SGCD: variants seen among roughly 807,000 people sequenced by gnomAD.
SGCD encodes sarcoglycan delta, also known as delta-sarcoglycan.
Under a neutral mutation model 36.6 loss-of-function variants are expected in SGCD, and 18 were observed. That is an observed-to-expected ratio of 0.49 (90% confidence interval 0.34 to 0.73). The LOEUF (loss-of-function observed/expected upper bound fraction) is 0.73, where lower values mean the gene tolerates loss of function less well. SGCD is among the 30% of genes least tolerant of loss of function. SGCD has a pLI of 0.01. For synonymous variants in SGCD, 133 were observed against 130.6 expected (o/e 1.02, Z -0.12); for missense variants, 387 against 346.7 (o/e 1.12, Z -0.92).
intron 4 of SGCD, among the ~76,000 whole-genome samples, chr5:156,585,136 A>G (rs1281733254): frequency 3.9e-5 from 6 of 152,168 alleles, no homozygotes; most frequent in East Asian, 1.9e-4. Flanking sequence ...GAATGCTACA[A>G]TGGGAAAAAT....
chr5:156,481,352 G>A (rs1755417281), intron 3 of SGCD, among the ~76,000 whole-genome samples: 1 of 152,176 alleles, frequency 6.6e-6, no homozygotes, highest in African/African-American at 2.4e-5. Context: ...TGGACTTGAT[G>A]TCCCTGACCC....
rs112814862 is a variant in SGCD, at chr5:156,455,842, A to G, written c.193-52759A>G. Reference sequence around the variant, plus strand: ...GCCCTAATCCAATATGACTGGTGTCATTATAAGAAAAATGCCACGTGAAGA... The same window carrying G: ...GCCCTAATCCAATATGACTGGTGTCGTTATAAGAAAAATGCCACGTGAAGA... On this transcript the variant is annotated intron_variant, in intron 3 of 8. Coordinates refer to ENST00000337851, the MANE Select transcript of SGCD (RefSeq NM_000337.6). 5.9e-3 allele frequency among the ~76,000 whole-genome samples: 906 copies of G among 152,326 alleles called. 4 individuals are homozygous for G. Among genetic ancestry groups the G allele is most frequent in the African/African-American group, 0.021 (856 of 41,572 alleles).
intron 3 of SGCD, among the ~76,000 whole-genome samples, chr5:156,258,069 A>G (rs1765761015): frequency 6.6e-6 from 1 of 152,062 alleles, no homozygotes; most frequent in Non-Finnish European, 1.5e-5. Flanking sequence ...AGTCTTACAT[A>G]TTTGTCAGAT....
chr5:156,664,321 T>C (rs2113637990), intron 7 of SGCD, among the ~76,000 whole-genome samples: 1 of 142,598 alleles, frequency 7.0e-6, no homozygotes. Context: ...ACACTCAGGA[T>C]TGGCGTTTTC....
chr5:156,208,104 A>G, intron 3 of SGCD, among the ~76,000 whole-genome samples: 1 of 152,222 alleles, frequency 6.6e-6, no homozygotes, highest in East Asian at 1.9e-4. Context: ...TACAAGTTAT[A>G]GTAACTATTA....
At chr5:156,637,367 A>G (rs1209152087) in intron 6 of SGCD, among the ~76,000 whole-genome samples, 1 of 152,164 alleles carries the variant, frequency 6.6e-6, no homozygotes, top group Non-Finnish European at 1.5e-5. Flanking sequence ...CATAAGGCCA[A>G]TGGTAGACAG....
chr5:156,331,733 GTAAA>G (rs1040315676), intron 2 of SGCD, among the ~76,000 whole-genome samples: 1 of 152,128 alleles, frequency 6.6e-6, no homozygotes, highest in Non-Finnish European at 1.5e-5. Flanking sequence ...TGAGTTCAGA[GTAAA>G]TAAATACCAG....
At chr5:156,083,296 C>CTT (rs112096404) in intron 1 of SGCD, among the ~76,000 whole-genome samples, 9 of 144,198 alleles carry the variant, frequency 6.2e-5, no homozygotes, top group Admixed American at 4.2e-4. Context: ...CATTTTTTTC[C>CTT]TTTTTTTTTT....
chr5:156,739,955 T>G (rs905885217), intron 7 of SGCD: 3 of 152,220 alleles, frequency 2.0e-5, no homozygotes, highest in African/African-American at 4.8e-5. Context: ...TTTATGAATC[T>G]AAATCTGTCA....
chr5:156,524,941 G>A (rs2113065219), intron 4 of SGCD, among the ~76,000 whole-genome samples: 1 of 152,164 alleles, frequency 6.6e-6, no homozygotes, highest in Middle Eastern at 3.4e-3. Flanking sequence ...GTATTCCATT[G>A]TGTATATATA....
intron 3 of SGCD, among the ~76,000 whole-genome samples, chr5:156,472,852 A>G (rs1247988281): frequency 1.3e-5 from 2 of 152,224 alleles, no homozygotes; most frequent in Non-Finnish European, 2.9e-5. Context: ...ATAAAAGAGA[A>G]ATGTTTGTCT....
rs749132981 is a variant in SGCD, at chr5:156,153,248, ATGT to A, written c.-44+29234_-44+29236del. 3.3e-5 allele frequency among the ~76,000 whole-genome samples: 5 copies of A among 150,372 alleles called. 1 individual carries two copies. The highest frequency in any genetic ancestry group is 1.3e-4 in the African/African-American group (5 of 39,908). On this transcript the variant is annotated intron_variant, in intron 3 of 9. Coordinates refer to the SGCD transcript ENST00000517913. ...ACTTTCAAAATCAAGTGAGTAAAAA[ATGT>A]TGTTTTTTTTTTTTTCCTGGGAAAA...
chr5:156,748,932 T>G (rs1174321193), intron 7 of SGCD, among the ~76,000 whole-genome samples: 3 of 152,074 alleles, frequency 2.0e-5, no homozygotes, highest in African/African-American at 7.2e-5. Flanking sequence ...GCTCAGCTAA[T>G]TTTTGTATTT....
chr5:156,625,769 T>C (rs1056629689), intron 6 of SGCD, among the ~76,000 whole-genome samples: 1 of 152,214 alleles, frequency 6.6e-6, no homozygotes, highest in African/African-American at 2.4e-5. Context: ...ATAACAAGAA[T>C]AGGACATGAT....
the SGCD span, among the ~76,000 whole-genome samples, chr5:155,746,470 G>A: frequency 6.6e-6 from 1 of 152,150 alleles, no homozygotes; most frequent in East Asian, 1.9e-4. Context: ...TTTATTTAAA[G>A]AGACAGTATA....
the SGCD span, among the ~76,000 whole-genome samples, chr5:155,810,838 G>T: frequency 1.5e-5 from 1 of 64,798 alleles, no homozygotes; most frequent in African/African-American, 6.6e-5. Flanking sequence ...TTTTTTTTGA[G>T]ACGGAGTCTT....
rs755337195 is a variant in SGCD, at chr5:156,029,033, T to G, written c.-281-88845T>G. Among the ~76,000 whole-genome samples the G allele has an allele frequency of 5.9e-5, 7 of 119,162 alleles. No homozygotes were observed. The South Asian group carries it at 7.6e-4, about 13-fold the overall frequency. The allele number at this position is 119,162 out of a possible 152,430, so 78.2% of individuals were successfully genotyped here. A position where few individuals can be genotyped will look rare whatever the true frequency, so the allele number is the denominator to read the frequency against. ...TTCATCTAGCTTTTAGGCTTTTATG[T>G]TTTTTTTTAGAGTGCAATTAGAGAA... is the stretch of plus-strand genomic sequence containing the variant. On this transcript the variant is annotated intron_variant, in intron 1 of 9. Transcript: ENST00000517913.
chr5:155,832,743 G>A, the SGCD span, among the ~76,000 whole-genome samples: 1 of 152,046 alleles, frequency 6.6e-6, no homozygotes, highest in Admixed American at 6.6e-5. Context: ...ACCAAATAGT[G>A]TTTGATTACT....
At chr5:156,581,905 C>T (rs1052908238) in intron 4 of SGCD, among the ~76,000 whole-genome samples, 1 of 152,162 alleles carries the variant, frequency 6.6e-6, no homozygotes, top group African/African-American at 2.4e-5. Context: ...TGCCCTGCTT[C>T]AGCTCACCCT....
Sources: allele counts gnomAD v4.1 joint callset (sites outside exome capture counted in the v4.1 genomes callset), GRCh38; gene constraint gnomAD v4.1.1; transcripts MANE v1.5; gene names NCBI Gene and HGNC (gene_info 2026-07-23, HGNC 2026-07-21).